The following FHIT variants were observed in gnomAD, a reference collection of about 807,000 sequenced individuals.
FHIT encodes the protein fragile histidine triad diadenosine triphosphatase.
A neutral mutation model predicts 17.9 loss-of-function variants in FHIT; 19 were observed. The ratio of observed to expected loss-of-function variants is 1.06; its 90% CI spans 0.74 to 1.56. The LOEUF is 1.56. Among genes scored for constraint, FHIT ranks in the 40% most tolerant of loss-of-function variants. FHIT has a pLI of 0.00. For missense variants in FHIT, 248 were observed against 189.2 expected (o/e 1.31, Z -1.82); for synonymous variants, 81 against 69.7 (o/e 1.16, Z -0.81).
At chr3:60,609,362 G>A (rs1339812506) in intron 4 of FHIT, among the ~76,000 whole-genome samples, 1 of 151,638 alleles carries the variant, frequency 6.6e-6, no homozygotes, top group Non-Finnish European at 1.5e-5. Context: ...GTCTAGCTGT[G>A]TCGCCCAGGC....
chr3:60,236,276 C>A lies in FHIT; in HGVS notation c.104-222124G>T, dbSNP rs75080311. Among the ~76,000 whole-genome samples, 461 of 149,424 alleles carry A rather than the reference C, an allele frequency of 3.1e-3. 12 individuals are homozygous for A. The East Asian group carries it at 0.057, about 18-fold the overall frequency. On this transcript the variant is annotated intron_variant, in intron 5 of 9. Coordinates refer to ENST00000492590, the MANE Select transcript of FHIT (RefSeq NM_002012.4). ...ACTTTCTATGTGTTTGCCACACATA[C>A]TAGATGAGGCCCTTGAGGACAAAGA...
At chr3:59,892,487 C>T (rs1372625708) in intron 8 of FHIT, among the ~76,000 whole-genome samples, 1 of 152,164 alleles carries the variant, frequency 6.6e-6, no homozygotes, top group East Asian at 1.9e-4. Flanking sequence ...TATTTAACAA[C>T]TGTAAATTTA....
chr3:60,440,730 G>A (rs2107326931), intron 5 of FHIT, among the ~76,000 whole-genome samples: 1 of 152,058 alleles, frequency 6.6e-6, no homozygotes, highest in South Asian at 2.1e-4. Context: ...CTGTCTTTCT[G>A]CAATATTCAG....
chr3:59,972,078 T>C lies in FHIT; in HGVS notation c.279+39293A>G, dbSNP rs573242010. 7.9e-5 allele frequency among the ~76,000 whole-genome samples: 12 copies of C among 152,160 alleles called. No individual in the cohort carries two copies. The South Asian group carries it at 2.3e-3, about 29-fold the overall frequency. ...GGTCACTGTTACAGAACTACACATATGAGATGCTCCATCATTATGTAACTC... is the reference window on the plus strand; with the variant it reads ...GGTCACTGTTACAGAACTACACATACGAGATGCTCCATCATTATGTAACTC... On this transcript the variant is annotated intron_variant, in intron 7 of 9. Transcript: ENST00000492590.
chr3:60,937,790 C>T lies in FHIT; in HGVS notation c.-111+104257G>A, dbSNP rs1389551518. Among the ~76,000 whole-genome samples, 4 of 152,024 alleles carry T rather than the reference C, an allele frequency of 2.6e-5. 1 individual carries two copies. Among genetic ancestry groups the T allele is most frequent in the Admixed American group, 6.6e-5 (1 of 15,256 alleles). Reference sequence around the variant, plus strand: ...CATTGTTCAGGCTGGTCTTCAACTCCTGACCTTGTGATCCGCCTGCCTTAG... The same window carrying T: ...CATTGTTCAGGCTGGTCTTCAACTCTTGACCTTGTGATCCGCCTGCCTTAG... On this transcript the variant is annotated intron_variant, in intron 3 of 9. Coordinates refer to ENST00000492590, the MANE Select transcript of FHIT (RefSeq NM_002012.4).
chr3:60,340,706 G>C (rs1710474204), intron 5 of FHIT, among the ~76,000 whole-genome samples: 1 of 152,082 alleles, frequency 6.6e-6, no homozygotes, highest in South Asian at 2.1e-4. Context: ...CTTATATGAG[G>C]AGGACTTTTT....
At chr3:60,124,599 G>T (rs1379676421) in intron 5 of FHIT, among the ~76,000 whole-genome samples, 1 of 152,136 alleles carries the variant, frequency 6.6e-6, no homozygotes, top group African/African-American at 2.4e-5. Flanking sequence ...TTGTTAGACT[G>T]CATCTTCTTT....
At chr3:60,984,785 GGTGTGTGTGTGT>G (rs58578875) in intron 3 of FHIT, among the ~76,000 whole-genome samples, 3 of 150,150 alleles carry the variant, frequency 2.0e-5, no homozygotes, top group African/African-American at 4.9e-5. Flanking sequence ...TTCATGAAGG[GGTGTGTGTGTGT>G]GTGTGTGTGT....
chr3:60,272,140 T>C (rs538769384), intron 5 of FHIT, among the ~76,000 whole-genome samples: 42 of 152,334 alleles, frequency 2.8e-4, no homozygotes, highest in Non-Finnish European at 4.7e-4. Flanking sequence ...GTCTAGCACA[T>C]CCTTCATGCT....
chr3:60,698,808 T>C (rs1308955787), intron 4 of FHIT, among the ~76,000 whole-genome samples: 2 of 152,202 alleles, frequency 1.3e-5, no homozygotes, highest in African/African-American at 4.8e-5. Flanking sequence ...TTGGACAAAC[T>C]TTCATGTATT....
chr3:60,033,000 A>T (rs1374370480), intron 5 of FHIT, among the ~76,000 whole-genome samples: 5 of 152,236 alleles, frequency 3.3e-5, no homozygotes, highest in Non-Finnish European at 5.9e-5. Context: ...ACTATAGAAC[A>T]GTCTACAGGA....
At position 59,922,205 on chromosome 3, in the gene FHIT, C is replaced by T. The variant is rs1481882895; in HGVS notation, c.348+141G>A. ...ACGATGGCCATTCTTGACTCCTTGGCCTCTATTGCCACTTTCCAAGTCTGG... is the reference window on the plus strand; with the variant it reads ...ACGATGGCCATTCTTGACTCCTTGGTCTCTATTGCCACTTTCCAAGTCTGG... On this transcript the variant is annotated intron_variant, in intron 8 of 9. Transcript: ENST00000492590. 3 of 724,472 alleles carry T rather than the reference C, an allele frequency of 4.1e-6. No individual in the cohort carries two copies. In the East Asian group the frequency reaches 8.0e-5, roughly 19 times the overall value. 44.9% of individuals were successfully genotyped at this position (724,472 alleles called of 1,614,324 possible). A position where few individuals can be genotyped will look rare whatever the true frequency, so the allele number is the denominator to read the frequency against.
intron 7 of FHIT, among the ~76,000 whole-genome samples, chr3:59,940,085 A>G (rs1706438493): frequency 6.6e-6 from 1 of 152,170 alleles, no homozygotes; most frequent in South Asian, 2.1e-4. Flanking sequence ...GGGACCTGAG[A>G]TAGTCAACAC....
At chr3:60,382,259 T>A (rs906051075) in intron 5 of FHIT, among the ~76,000 whole-genome samples, 1 of 152,220 alleles carries the variant, frequency 6.6e-6, no homozygotes, top group African/African-American at 2.4e-5. Context: ...GGTGCCCACA[T>A]ACACCAAACA....
intron 5 of FHIT, among the ~76,000 whole-genome samples, chr3:60,213,945 T>G (rs535264935): frequency 6.6e-6 from 1 of 152,304 alleles, no homozygotes; most frequent in African/African-American, 2.4e-5. Flanking sequence ...CTGAAGATTT[T>G]TATATGTGAA....
intron 5 of FHIT, among the ~76,000 whole-genome samples, chr3:60,239,086 G>T (rs1704971703): frequency 6.6e-6 from 1 of 152,126 alleles, no homozygotes; most frequent in African/African-American, 2.4e-5. Context: ...GTATTTGTGA[G>T]CAAAAGGTCA....
intron 5 of FHIT, among the ~76,000 whole-genome samples, chr3:60,065,839 G>A (rs2736807): frequency 0.037 from 5,697 of 152,108 alleles, 160 homozygotes; most frequent in South Asian, 0.07. Context: ...GGGAATACTC[G>A]GGGGAAGCAT....
chr3:60,486,214 T>C lies in FHIT; in HGVS notation c.103+50646A>G, dbSNP rs146622827. ...TTAAAATGAGAGAGTATATAAACAA[T>C]AATAGAAAACAGGTAATTCAGGGCT... On this transcript the variant is annotated intron_variant, in intron 5 of 9. Transcript: ENST00000492590. Among the ~76,000 whole-genome samples the C allele has an allele frequency of 1.6e-3, 245 of 152,190 alleles. 1 individual carries two copies. The highest frequency in any genetic ancestry group is 5.4e-3 in the African/African-American group (226 of 41,524).
At chr3:59,925,313 C>G (rs1237014095) in intron 7 of FHIT, among the ~76,000 whole-genome samples, 1 of 152,048 alleles carries the variant, frequency 6.6e-6, no homozygotes, top group Non-Finnish European at 1.5e-5. Flanking sequence ...ACTATGTTGC[C>G]CAGTCTGGTC....
Sources: allele counts gnomAD v4.1 joint callset (sites outside exome capture counted in the v4.1 genomes callset), GRCh38; gene constraint gnomAD v4.1.1; transcripts MANE v1.5; gene names NCBI Gene and HGNC (gene_info 2026-07-23, HGNC 2026-07-21).